The following RBFOX1 variants were observed in gnomAD, a reference collection of about 807,000 sequenced individuals.
The protein encoded by RBFOX1 is RNA binding protein fox-1 homolog 1.
A neutral mutation model predicts 57.7 loss-of-function variants in RBFOX1; 8 were observed. The observed-to-expected ratio is 0.14, with a 90% CI of 0.08 to 0.25. RBFOX1 has a LOEUF of 0.25. RBFOX1 is among the 10% of genes least tolerant of loss of function. The probability of loss-of-function intolerance (pLI) is 1.00; values close to 1 mark genes in which losing one functional copy is unlikely to be tolerated. For missense variants in RBFOX1, 611 were observed against 548.5 expected (o/e 1.11, Z -1.14); for synonymous variants, 326 against 222.4 (o/e 1.47, Z -4.15).
At chr16:6,320,658 A>T (rs2081659406) in intron 2 of RBFOX1, among the ~76,000 whole-genome samples, 5 of 152,142 alleles carry the variant, frequency 3.3e-5, no homozygotes, top group Admixed American at 3.3e-4. Context: ...AATATTCTTT[A>T]TCTGTGCTGT....
At chr16:6,972,911 G>C (rs2085906125) in intron 3 of RBFOX1, among the ~76,000 whole-genome samples, 1 of 152,142 alleles carries the variant, frequency 6.6e-6, no homozygotes, top group South Asian at 2.1e-4. Flanking sequence ...ATCACTTGAG[G>C]TCAGGAGTTC....
At chr16:6,977,645 C>A (rs1216419719) in intron 3 of RBFOX1, among the ~76,000 whole-genome samples, 2 of 152,142 alleles carry the variant, frequency 1.3e-5, no homozygotes, top group African/African-American at 4.8e-5. Context: ...GGCTGGTCAT[C>A]TCTTTAGCTC....
intron 2 of RBFOX1, among the ~76,000 whole-genome samples, chr16:6,602,227 A>G (rs1320085726): frequency 1.3e-5 from 2 of 151,990 alleles, no homozygotes; most frequent in Admixed American, 6.5e-5. Context: ...TTCATTCCTG[A>G]TAAGATAGAT....
intron 4 of RBFOX1, among the ~76,000 whole-genome samples, chr16:5,914,586 G>C (rs1426212232): frequency 6.6e-6 from 1 of 152,116 alleles, no homozygotes; most frequent in East Asian, 1.9e-4. Flanking sequence ...TGATGAGAGA[G>C]AGAGAGCAAA....
At chr16:6,153,690 C>T (rs2096817736) in intron 1 of RBFOX1, among the ~76,000 whole-genome samples, 2 of 152,102 alleles carry the variant, frequency 1.3e-5, no homozygotes, top group African/African-American at 4.8e-5. Context: ...TGCCCACCAC[C>T]ATGCCTGGCT....
At chr16:7,187,972 A>G (rs926766813) in intron 4 of RBFOX1, among the ~76,000 whole-genome samples, 1 of 152,184 alleles carries the variant, frequency 6.6e-6, no homozygotes, top group Non-Finnish European at 1.5e-5. Context: ...AGAGAGAACA[A>G]ATCTCGAGAA....
chr16:7,064,094 C>T (rs1299677489), intron 4 of RBFOX1, among the ~76,000 whole-genome samples: 1 of 149,618 alleles, frequency 6.7e-6, no homozygotes, highest in Non-Finnish European at 1.5e-5. Context: ...AAGCTAAGGT[C>T]TTTAAAAAGA....
chr16:6,705,312 GGAA>G (rs145036701), intron 3 of RBFOX1: 12,878 of 151,962 alleles, frequency 0.085, 746 homozygotes, highest in African/African-American at 0.17. Context: ...AGGTTACAAG[GGAA>G]GAAGTCTAGA....
intron 4 of RBFOX1, among the ~76,000 whole-genome samples, chr16:5,899,355 A>T (rs1645041189): frequency 6.6e-6 from 1 of 152,136 alleles, no homozygotes; most frequent in African/African-American, 2.4e-5. Context: ...TGTCCATTAT[A>T]GGGGAAACTG....
intron 5 of RBFOX1, among the ~76,000 whole-genome samples, chr16:7,543,582 T>C (rs2083535038): frequency 6.6e-6 from 1 of 152,116 alleles, no homozygotes; most frequent in Non-Finnish European, 1.5e-5. Flanking sequence ...AATCCAGTCT[T>C]AGGCATATTA....
chr16:6,324,657 T>C (rs766549733), intron 2 of RBFOX1, among the ~76,000 whole-genome samples: 2 of 152,182 alleles, frequency 1.3e-5, no homozygotes, highest in Non-Finnish European at 2.9e-5. Context: ...CATGATTTAA[T>C]CACCTACCAC....
chr16:6,787,976 A>C (rs1309559185), intron 3 of RBFOX1, among the ~76,000 whole-genome samples: 1 of 144,206 alleles, frequency 6.9e-6, no homozygotes, highest in Non-Finnish European at 1.6e-5. Context: ...TAATCCCAGC[A>C]CTTTGGGAGT....
chr16:7,442,296 C>T (rs1366124864), intron 4 of RBFOX1, among the ~76,000 whole-genome samples: 1 of 152,192 alleles, frequency 6.6e-6, no homozygotes, highest in Non-Finnish European at 1.5e-5. Flanking sequence ...ATTCCCTCCT[C>T]TGCCTTCTCC....
intron 3 of RBFOX1, among the ~76,000 whole-genome samples, chr16:6,945,122 C>T (rs550141229): frequency 2.0e-5 from 3 of 152,004 alleles, no homozygotes; most frequent in African/African-American, 4.8e-5. Context: ...GCTAGGGTCA[C>T]GCAGAGGTAG....
At position 6,140,038 on chromosome 16, in the gene RBFOX1, T is replaced by C. The variant is rs183676793; in HGVS notation, c.-127+120046T>C. Among the ~76,000 whole-genome samples, 129 of 151,536 alleles carry C rather than the reference T, an allele frequency of 8.5e-4. 1 individual carries two copies. The East Asian group carries it at 0.023, about 27-fold the overall frequency. On this transcript the variant is annotated intron_variant, in intron 1 of 15. Transcript: ENST00000550418. The stretch of plus-strand genomic sequence containing the variant: ...TAATTTGTCTTACCAAATGCTCTTC[T>C]CCCCACGTTTTCCCTTTGATTTCTC...
At chr16:7,487,812 G>T (rs2065828477) in intron 4 of RBFOX1, among the ~76,000 whole-genome samples, 1 of 152,116 alleles carries the variant, frequency 6.6e-6, no homozygotes, top group South Asian at 2.1e-4. Context: ...GATCCTGATA[G>T]CTTTATTGGA....
chr16:6,943,674 C>T (rs546999188), intron 3 of RBFOX1, among the ~76,000 whole-genome samples: 16 of 150,302 alleles, frequency 1.1e-4, no homozygotes, highest in African/African-American at 3.4e-4. Flanking sequence ...CGTCACTGCA[C>T]TCCAGCCTGG....
intron 4 of RBFOX1, among the ~76,000 whole-genome samples, chr16:7,082,150 G>A (rs1163920294): frequency 6.6e-6 from 1 of 152,184 alleles, no homozygotes; most frequent in African/African-American, 2.4e-5. Context: ...TATCTATCTT[G>A]GTAAACTCCA....
intron 4 of RBFOX1, among the ~76,000 whole-genome samples, chr16:7,404,975 T>C (rs1262159631): frequency 6.6e-6 from 1 of 152,070 alleles, no homozygotes; most frequent in East Asian, 1.9e-4. Context: ...GTAGAGATGA[T>C]TTTACTCCAC....
Sources: allele counts gnomAD v4.1 joint callset (sites outside exome capture counted in the v4.1 genomes callset), GRCh38; gene constraint gnomAD v4.1.1; transcripts MANE v1.5; gene names NCBI Gene and HGNC (gene_info 2026-07-23, HGNC 2026-07-21).